The following FANCC variants were observed in gnomAD, a reference collection of about 807,000 sequenced individuals.
FANCC encodes Fanconi anemia group C protein.
In FANCC, 55 loss-of-function variants were observed where a neutral mutation model predicts 71.3. The ratio of observed to expected loss-of-function variants is 0.77; its 90% CI spans 0.62 to 0.97. The LOEUF (loss-of-function observed/expected upper bound fraction) is 0.97, where lower values mean the gene tolerates loss of function less well. Ranked by LOEUF, FANCC falls within the 50% of genes least tolerant of loss-of-function variation. The pLI, the probability that FANCC is intolerant of heterozygous loss-of-function variation, is 0.00. For missense variants in FANCC, 678 were observed against 670.9 expected, an observed-to-expected ratio of 1.01 and a Z score of -0.12; for synonymous variants, 275 against 244.9, an observed-to-expected ratio of 1.12 and a Z score of -1.15.
chr9:95,301,138 G>T (rs539441559), intron 1 of FANCC, among the ~76,000 whole-genome samples: 5 of 149,824 alleles, frequency 3.3e-5, no homozygotes, highest in African/African-American at 1.2e-4. Context: ...CTAAAATGAT[G>T]AAAAGTGGCT....
chr9:95,295,777 A>G (rs1441285787), intron 1 of FANCC, among the ~76,000 whole-genome samples: 1 of 152,086 alleles, frequency 6.6e-6, no homozygotes, highest in Non-Finnish European at 1.5e-5. Context: ...AATTAAAAAA[A>G]AAAAAAAAAA....
At chr9:95,128,692 G>C (rs1826395744) in intron 8 of FANCC, among the ~76,000 whole-genome samples, 1 of 152,162 alleles carries the variant, frequency 6.6e-6, no homozygotes, top group African/African-American at 2.4e-5. Flanking sequence ...TCAATCCAAT[G>C]TTTTAAATGC....
rs1371086315 is a variant in FANCC at position 95,100,462 on chromosome 9, C to T, written c.*1245G>A. On this transcript the variant is annotated 3_prime_UTR_variant, in exon 15 of 15. Coordinates refer to ENST00000289081, the MANE Select transcript of FANCC (RefSeq NM_000136.3). ...CTTTGCTCATACCTCAAAACGGAGC[C>T]AAGACTCAGACTAATACACACAAAT... 4.3e-6 allele frequency: 1 copy of T among 231,608 alleles called. No homozygotes were observed. The highest frequency in any genetic ancestry group is 8.5e-6 in the Non-Finnish European group (1 of 117,104). 14.3% of individuals were successfully genotyped at this position (231,608 alleles called of 1,614,324 possible). A position where few individuals can be genotyped will look rare whatever the true frequency, so the allele number is the denominator to read the frequency against.
chr9:95,118,026 G>GT (rs1199393130), intron 10 of FANCC, among the ~76,000 whole-genome samples: 5 of 149,468 alleles, frequency 3.3e-5, no homozygotes, highest in Admixed American at 6.7e-5. Flanking sequence ...GCTTGTTTTT[G>GT]TTTTTTTATT....
chr9:95,187,466 G>T (rs1240493155), intron 4 of FANCC, among the ~76,000 whole-genome samples: 1 of 152,214 alleles, frequency 6.6e-6, no homozygotes, highest in Non-Finnish European at 1.5e-5. Context: ...CCCAGGAGGA[G>T]CCAAGACTGA....
chr9:95,131,396 G>C (rs939546699), intron 8 of FANCC, among the ~76,000 whole-genome samples: 5 of 152,124 alleles, frequency 3.3e-5, no homozygotes, highest in African/African-American at 1.2e-4. Context: ...GTCCACCCCT[G>C]CTTTGTTTTT....
chr9:95,106,715 G>C (rs559240690), intron 14 of FANCC, among the ~76,000 whole-genome samples: 2 of 152,164 alleles, frequency 1.3e-5, no homozygotes. Context: ...CATTCTCATC[G>C]TGGCCTTACT....
chr9:95,317,297 C>G (rs1382975863), intron 1 of FANCC: 1 of 150,884 alleles, frequency 6.6e-6, no homozygotes, highest in Non-Finnish European at 1.5e-5. Context: ...CGGGCTGGCA[C>G]CGCCCGCCAC....
chr9:95,121,466 T>C (rs1326732917), intron 10 of FANCC, among the ~76,000 whole-genome samples: 1 of 152,228 alleles, frequency 6.6e-6, no homozygotes, highest in African/African-American at 2.4e-5. Context: ...GAAATGAGTC[T>C]GGCAGGATCT....
rs529641307 is a variant in FANCC at position 95,247,179 on chromosome 9, A to G, written c.250+253T>C. 5.3e-5 allele frequency among the ~76,000 whole-genome samples: 8 copies of G among 151,494 alleles called. No individual in the cohort carries two copies. In the South Asian group the frequency reaches 1.5e-3, roughly 28 times the overall value. On this transcript the variant is annotated intron_variant, in intron 3 of 14. Transcript: ENST00000289081. ...TCTGTCCTCTAATACGAAGAGCTCT[A>G]TTTTCCTGAAGATCTGCATGGGTGC...
At chr9:95,171,216 T>C in intron 5 of FANCC, 73 bp from the exon 6 acceptor site, 1 of 1,167,406 alleles carries the variant, frequency 8.6e-7, no homozygotes, top group Non-Finnish European at 1.3e-6. Context: ...TTTCTTGGTG[T>C]GAGTGATATT....
In FANCC at chr9:95,125,126, G is replaced by A. The variant is rs745910444; in HGVS notation, c.956C>T (p.Thr319Met). The A allele has an allele frequency of 1.4e-5, 22 of 1,614,056 alleles. No individual in the cohort carries two copies. The highest frequency in any genetic ancestry group is 1.6e-4 in the Middle Eastern group (1 of 6,084). ...LEIIATIQVF[T>M]QCFVEALEKA... Reference sequence around the variant, plus strand: ...CTCCAGAGCTTCTACAAAGCACTGCGTAAACACCTGAATAGTGGCTATGAT... The same window carrying A: ...CTCCAGAGCTTCTACAAAGCACTGCATAAACACCTGAATAGTGGCTATGAT... Residue 319 changes from threonine to methionine, a missense_variant, in exon 10 of 15, where the codon ACG becomes ATG. By Grantham distance (81) the Thr-to-Met change is moderately conservative (BLOSUM62 -1). Transcript: ENST00000289081.
intron 11 of FANCC, 75 bp downstream of exon 11, chr9:95,117,240 G>T: frequency 1.5e-6 from 2 of 1,299,122 alleles, no homozygotes; most frequent in Non-Finnish European, 2.2e-6. Flanking sequence ...ATAAGGGCCT[G>T]ATGAGGAGGT....
At chr9:95,260,860 GT>G (rs1387341479) in intron 1 of FANCC, among the ~76,000 whole-genome samples, 2 of 152,112 alleles carry the variant, frequency 1.3e-5, no homozygotes, top group Non-Finnish European at 2.9e-5. Context: ...CTGTTTGTTT[GT>G]TTTTTTAACT....
At chr9:95,225,637 T>C (rs774754599) in intron 4 of FANCC, among the ~76,000 whole-genome samples, 1 of 152,254 alleles carries the variant, frequency 6.6e-6, no homozygotes, top group Non-Finnish European at 1.5e-5. Flanking sequence ...ATCCTGTTCC[T>C]AATTGGCAAT....
intron 4 of FANCC, among the ~76,000 whole-genome samples, chr9:95,224,517 C>A (rs974884086): frequency 6.6e-6 from 1 of 150,720 alleles, no homozygotes; most frequent in Non-Finnish European, 1.5e-5. Flanking sequence ...AAAAAAAAAA[C>A]AGAAAATTTA....
chr9:95,315,404 T>C (rs1302709208), intron 1 of FANCC, among the ~76,000 whole-genome samples: 1 of 152,186 alleles, frequency 6.6e-6, no homozygotes, highest in Non-Finnish European at 1.5e-5. Context: ...TCTTAACTTT[T>C]TGTAGAGACA....
chr9:95,214,946 AATACCACTGAACTAT>A (rs780550559), intron 4 of FANCC, among the ~76,000 whole-genome samples: 2 of 152,240 alleles, frequency 1.3e-5, no homozygotes, highest in Non-Finnish European at 2.9e-5. Context: ...GAATGTACTT[AATACCACTGAACTAT>A]ATACTTAAAA....
At chr9:95,198,464 T>C (rs1482131946) in intron 4 of FANCC, among the ~76,000 whole-genome samples, 1 of 152,206 alleles carries the variant, frequency 6.6e-6, no homozygotes, top group Non-Finnish European at 1.5e-5. Flanking sequence ...TGGCATCCTC[T>C]GACTTCTCTG....
Sources: allele counts gnomAD v4.1 joint callset (sites outside exome capture counted in the v4.1 genomes callset), GRCh38; gene constraint gnomAD v4.1.1; transcripts MANE v1.5; gene names NCBI Gene and HGNC (gene_info 2026-07-23, HGNC 2026-07-21).